Variants in RPS6KC1 observed in about 807,000 individuals in gnomAD.
RPS6KC1 encodes the protein inactive ribosomal protein S6 kinase delta-1.
Under a neutral mutation model 103.8 loss-of-function variants are expected in RPS6KC1, and 54 were observed. The ratio of observed to expected loss-of-function variants is 0.52; its 90% CI spans 0.42 to 0.65. The LOEUF is 0.65. Among genes scored for constraint, RPS6KC1 ranks in the 30% least tolerant of loss-of-function variants. The pLI, the probability that RPS6KC1 is intolerant of heterozygous loss-of-function variation, is 0.00. For missense variants in RPS6KC1, 1,151 were observed against 1,253.8 expected (o/e 0.92, Z 1.24); for synonymous variants, 439 against 438.7 (o/e 1.00, Z -0.01).
the RPS6KC1 span, among the ~76,000 whole-genome samples, chr1:213,521,291 G>A: frequency 6.6e-6 from 1 of 152,172 alleles, no homozygotes; most frequent in African/African-American, 2.4e-5. Flanking sequence ...ACACTATACT[G>A]TAGTCTATTA....
At chr1:213,734,434 G>T in the RPS6KC1 span, among the ~76,000 whole-genome samples, 3 of 108,834 alleles carry the variant, frequency 2.8e-5, no homozygotes, top group African/African-American at 3.8e-5. Flanking sequence ...ATGTTACAAG[G>T]CCTCCCGCCA....
intron 1 of RPS6KC1, among the ~76,000 whole-genome samples, chr1:213,053,215 C>T (rs954537352): frequency 3.1e-4 from 47 of 152,152 alleles, no homozygotes; most frequent in African/African-American, 9.4e-4. Flanking sequence ...TTTCAACATA[C>T]GTAATGTTTC....
rs151081128 is a variant in RPS6KC1, at chr1:213,118,671, C to T, written c.472+1261C>T. Among the ~76,000 whole-genome samples, 326 of 151,874 alleles carry T rather than the reference C, an allele frequency of 2.1e-3. 1 individual carries two copies. The highest frequency in any genetic ancestry group is 3.4e-3 in the Non-Finnish European group (234 of 67,962). On this transcript the variant is annotated intron_variant, in intron 5 of 14. Transcript: ENST00000366960. ...AGTTTTTTTTTTCTTTTGGTACTACCGTATTGAGAAGTGGTTAGCTTTTAT... is the reference window on the plus strand; with the variant it reads ...AGTTTTTTTTTTCTTTTGGTACTACTGTATTGAGAAGTGGTTAGCTTTTAT...
chr1:213,411,884 G>T, the RPS6KC1 span, among the ~76,000 whole-genome samples: 1 of 152,212 alleles, frequency 6.6e-6, no homozygotes, highest in South Asian at 2.1e-4. Context: ...ACCAATGGGC[G>T]TGGGGTGAGA....
At chr1:213,561,568 C>T in the RPS6KC1 span, among the ~76,000 whole-genome samples, 2 of 152,296 alleles carry the variant, frequency 1.3e-5, no homozygotes, top group East Asian at 3.9e-4. Context: ...GATGAGGGTA[C>T]AGACAGCTGG....
the RPS6KC1 span, among the ~76,000 whole-genome samples, chr1:213,447,925 G>T: frequency 6.6e-6 from 1 of 152,122 alleles, no homozygotes; most frequent in Non-Finnish European, 1.5e-5. Flanking sequence ...AAATGCATTT[G>T]TATTGTATTT....
At position 213,255,010 on chromosome 1, in the gene RPS6KC1, A is replaced by C. The variant is rs1201000807; in HGVS notation, c.2912-6548A>C. Reference sequence around the variant, plus strand: ...AGTGGTAGAATTTATCCTTTAAAATATTTTTCTAGGCCAGGCGTGGTGGCT... The same window carrying C: ...AGTGGTAGAATTTATCCTTTAAAATCTTTTTCTAGGCCAGGCGTGGTGGCT... On this transcript the variant is annotated intron_variant, in intron 12 of 14. Transcript: ENST00000366960. Among the ~76,000 whole-genome samples, 3 of 152,120 alleles carry C rather than the reference A, an allele frequency of 2.0e-5. No homozygotes were observed. The East Asian group carries it at 5.8e-4, about 29-fold the overall frequency.
the RPS6KC1 span, among the ~76,000 whole-genome samples, chr1:213,421,447 A>C: frequency 1.3e-5 from 2 of 152,172 alleles, no homozygotes; most frequent in Non-Finnish European, 2.9e-5. Context: ...ACACAATTAA[A>C]TCCTAATAGT....
At chr1:213,371,999 T>A in the RPS6KC1 span, among the ~76,000 whole-genome samples, 7 of 152,182 alleles carry the variant, frequency 4.6e-5, no homozygotes, top group African/African-American at 1.7e-4. Context: ...TCATTCCACC[T>A]CTGTGAGTTT....
chr1:213,493,056 A>C, the RPS6KC1 span, among the ~76,000 whole-genome samples: 3 of 152,238 alleles, frequency 2.0e-5, no homozygotes, highest in Non-Finnish European at 4.4e-5. Context: ...CTAAAATGCA[A>C]GAGGAGACAT....
the RPS6KC1 span, among the ~76,000 whole-genome samples, chr1:213,708,025 G>A: frequency 2.0e-5 from 3 of 152,266 alleles, no homozygotes; most frequent in African/African-American, 7.2e-5. Flanking sequence ...GGCTATACTG[G>A]CTCTTTTTTG....
chr1:213,674,375 A>C, the RPS6KC1 span, among the ~76,000 whole-genome samples: 1 of 152,200 alleles, frequency 6.6e-6, no homozygotes, highest in Non-Finnish European at 1.5e-5. Context: ...TTAAGTGAGA[A>C]TATATAGTGT....
At chr1:213,604,908 G>T in the RPS6KC1 span, among the ~76,000 whole-genome samples, 1 of 152,172 alleles carries the variant, frequency 6.6e-6, no homozygotes, top group Non-Finnish European at 1.5e-5. Context: ...GATGGGAAGG[G>T]TGGCTTGCAT....
At chr1:213,349,226 C>G in the RPS6KC1 span, among the ~76,000 whole-genome samples, 7 of 152,136 alleles carry the variant, frequency 4.6e-5, no homozygotes, top group Non-Finnish European at 8.8e-5. Flanking sequence ...TTTATAAAAA[C>G]TACACAAACA....
At chr1:213,255,023 A>G (rs914629962) in intron 12 of RPS6KC1, among the ~76,000 whole-genome samples, 3 of 152,138 alleles carry the variant, frequency 2.0e-5, no homozygotes, top group Non-Finnish European at 2.9e-5. Flanking sequence ...TTTCTAGGCC[A>G]GGCGTGGTGG....
the RPS6KC1 span, among the ~76,000 whole-genome samples, chr1:213,535,798 C>T: frequency 1.3e-5 from 2 of 152,128 alleles, no homozygotes; most frequent in East Asian, 1.9e-4. Flanking sequence ...CTGTGGCTCT[C>T]TTTTAGGCGC....
the RPS6KC1 span, among the ~76,000 whole-genome samples, chr1:213,619,591 G>C: frequency 6.6e-6 from 1 of 152,360 alleles, no homozygotes; most frequent in East Asian, 1.9e-4. Flanking sequence ...GCCTTGGAGA[G>C]AGTGGGGATT....
intron 7 of RPS6KC1, 77 bp from the exon 8 acceptor site, chr1:213,176,323 C>T (rs1243904128): frequency 7.4e-6 from 6 of 806,376 alleles, no homozygotes; most frequent in Non-Finnish European, 7.9e-6. Context: ...TTCCTTTGGC[C>T]TGGCATTTGC....
At chr1:213,378,461 A>C in the RPS6KC1 span, among the ~76,000 whole-genome samples, 1 of 152,112 alleles carries the variant, frequency 6.6e-6, no homozygotes, top group Non-Finnish European at 1.5e-5. Flanking sequence ...TTGCTTGCTA[A>C]ATTGCATTCG....
Sources: allele counts gnomAD v4.1 joint callset (sites outside exome capture counted in the v4.1 genomes callset), GRCh38; gene constraint gnomAD v4.1.1; transcripts MANE v1.5; gene names NCBI Gene and HGNC (gene_info 2026-07-23, HGNC 2026-07-21).